Variants in ADCY2 observed in about 807,000 individuals in gnomAD.
ADCY2 encodes adenylate cyclase 2, also known as adenylate cyclase type 2.
ADCY2 carries 31 observed loss-of-function variants against 125.2 expected under a neutral mutation model. The ratio of observed to expected loss-of-function variants is 0.25; its 90% confidence interval spans 0.19 to 0.33. The LOEUF (loss-of-function observed/expected upper bound fraction) is 0.33. ADCY2 is among the 10% of genes least tolerant of loss of function. The probability of loss-of-function intolerance (pLI) is 1.00; values close to 1 mark genes in which losing one functional copy is unlikely to be tolerated. For missense variants in ADCY2, 904 were observed against 1,418.2 expected (o/e 0.64, Z 5.82); for synonymous variants, 512 against 548.4 (o/e 0.93, Z 0.93).
chr5:7,654,199 G>A (rs1739238781), intron 4 of ADCY2: 3 of 454,132 alleles, frequency 6.6e-6, no homozygotes, highest in East Asian at 6.9e-5. Flanking sequence ...AAAGCCAGGT[G>A]AGCATGGTGT....
intron 3 of ADCY2, 135 bp from the exon 4 acceptor site, chr5:7,626,032 T>C: frequency 2.0e-6 from 2 of 1,006,948 alleles, no homozygotes; most frequent in South Asian, 1.6e-5. Flanking sequence ...ATAAAAATGT[T>C]ACTTTGGAAA....
chr5:7,493,056 C>T (rs1223470718), intron 2 of ADCY2, among the ~76,000 whole-genome samples: 4 of 152,028 alleles, frequency 2.6e-5, no homozygotes. Flanking sequence ...AGCTTGACTT[C>T]CTCAGTGTCT....
At chr5:7,678,105 AT>A (rs1358705596) in intron 4 of ADCY2, among the ~76,000 whole-genome samples, 2 of 152,196 alleles carry the variant, frequency 1.3e-5, no homozygotes, top group Non-Finnish European at 2.9e-5. Context: ...TTTTAATGTA[AT>A]ATAGCATTTT....
At chr5:7,822,711 T>A (rs989635) in intron 24 of ADCY2, among the ~76,000 whole-genome samples, 1 of 151,800 alleles carries the variant, frequency 6.6e-6, no homozygotes, top group East Asian at 1.9e-4. Context: ...CGTGTGTGCA[T>A]GTGTGTGTAC....
chr5:7,690,841 T>A lies in ADCY2; in HGVS notation c.869+2T>A. 6.4e-7 allele frequency: 1 copy of A among 1,572,212 alleles called. No individual in the cohort carries two copies. Among genetic ancestry groups the A allele is most frequent in the Non-Finnish European group, 8.6e-7 (1 of 1,161,948 alleles). ...TGTGAAGCGGCATACAAACGTGAGG[T>A]ACGACGCTATGCTTGCTCCTTGGCT... is the stretch of plus-strand genomic sequence containing the variant. On this transcript the variant is annotated splice_donor_variant, in intron 5 of 24. Coordinates refer to ENST00000338316, the MANE Select transcript of ADCY2 (RefSeq NM_020546.3). LOFTEE classifies it high-confidence loss of function.
At chr5:7,746,686 C>T (rs907050512) in intron 15 of ADCY2, among the ~76,000 whole-genome samples, 9 of 152,178 alleles carry the variant, frequency 5.9e-5, no homozygotes, top group African/African-American at 2.2e-4. Context: ...ACTCAATACC[C>T]GAAACTTGCC....
intron 2 of ADCY2, among the ~76,000 whole-genome samples, chr5:7,471,523 T>C (rs1433389374): frequency 6.6e-6 from 1 of 152,064 alleles, no homozygotes; most frequent in Non-Finnish European, 1.5e-5. Flanking sequence ...CTCCCATTTT[T>C]GTGCTATTTT....
chr5:7,698,419 C>G lies in ADCY2; in HGVS notation c.1109+45C>G, dbSNP rs776519057. 1.9e-6 allele frequency: 3 copies of G among 1,607,382 alleles called. No individual in the cohort carries two copies. The South Asian group carries it at 3.3e-5, about 18-fold the overall frequency. ...AGCATTTTGTTATATGCTTTAAGTT[C>G]TGGGGTACATGTGCACAACGTGCAG... On this transcript the variant is annotated intron_variant, in intron 7 of 24. Coordinates refer to ENST00000338316, the MANE Select transcript of ADCY2 (RefSeq NM_020546.3).
intron 4 of ADCY2, among the ~76,000 whole-genome samples, chr5:7,628,452 C>T (rs541760767): frequency 1.4e-3 from 220 of 152,248 alleles, no homozygotes; most frequent in African/African-American, 5.2e-3. Flanking sequence ...TCCCTTGCCA[C>T]AGTGAGCTGA....
chr5:7,589,862 G>T (rs955025590), intron 3 of ADCY2, among the ~76,000 whole-genome samples: 4 of 152,124 alleles, frequency 2.6e-5, no homozygotes, highest in Admixed American at 1.3e-4. Context: ...TCCTCTCCCA[G>T]ATATATTAAA....
intron 2 of ADCY2, among the ~76,000 whole-genome samples, chr5:7,430,073 T>C (rs970709412): frequency 6.6e-6 from 1 of 152,124 alleles, no homozygotes; most frequent in African/African-American, 2.4e-5. Flanking sequence ...AAGGAAATAT[T>C]ATGAGCAACT....
intron 4 of ADCY2, among the ~76,000 whole-genome samples, chr5:7,662,443 G>A (rs540413481): frequency 3.9e-5 from 6 of 152,312 alleles, no homozygotes; most frequent in East Asian, 1.9e-4. Context: ...CCACCAGCAC[G>A]GAAGTAGCCT....
intron 13 of ADCY2, among the ~76,000 whole-genome samples, chr5:7,726,550 A>G (rs766678738): frequency 2.6e-5 from 4 of 152,132 alleles, no homozygotes; most frequent in Non-Finnish European, 5.9e-5. Flanking sequence ...TATTCATGGC[A>G]TGGGGAACCA....
chr5:7,405,586 A>C (rs1739452015), intron 1 of ADCY2, among the ~76,000 whole-genome samples: 1 of 152,198 alleles, frequency 6.6e-6, no homozygotes, highest in Non-Finnish European at 1.5e-5. Flanking sequence ...TGCAAAGAGC[A>C]AGAGGAAAGG....
chr5:7,584,013 G>T (rs1354953497), intron 3 of ADCY2, among the ~76,000 whole-genome samples: 1 of 152,086 alleles, frequency 6.6e-6, no homozygotes, highest in Non-Finnish European at 1.5e-5. Flanking sequence ...GGGTAAGACT[G>T]GATGAAAAAT....
intron 20 of ADCY2, chr5:7,800,963 A>G (rs1377370971): frequency 1.3e-5 from 2 of 152,210 alleles, no homozygotes; most frequent in Non-Finnish European, 2.9e-5. Flanking sequence ...AAAATAGAAA[A>G]GAAAACCTTG....
At chr5:7,572,815 G>A (rs1192280550) in intron 3 of ADCY2, among the ~76,000 whole-genome samples, 1 of 152,144 alleles carries the variant, frequency 6.6e-6, no homozygotes, top group African/African-American at 2.4e-5. Context: ...TGTATATGGT[G>A]TAAGGAAGGG....
intron 2 of ADCY2, among the ~76,000 whole-genome samples, chr5:7,519,635 C>A (rs781181846): frequency 6.6e-6 from 1 of 152,136 alleles, no homozygotes; most frequent in Non-Finnish European, 1.5e-5. Context: ...CCAAACATTT[C>A]TTTGAGAGGT....
chr5:7,561,064 C>T (rs145391481), intron 3 of ADCY2, among the ~76,000 whole-genome samples: 17 of 152,222 alleles, frequency 1.1e-4, no homozygotes, highest in Admixed American at 2.0e-4. Flanking sequence ...CACTTTTAAC[C>T]GTTCATAAGG....
Sources: allele counts gnomAD v4.1 joint callset (sites outside exome capture counted in the v4.1 genomes callset), GRCh38; gene constraint gnomAD v4.1.1; transcripts MANE v1.5; gene names NCBI Gene and HGNC (gene_info 2026-07-23, HGNC 2026-07-21).